The following SNAP25 variants were observed in gnomAD, a reference collection of about 807,000 sequenced individuals.
SNAP25 encodes the protein synaptosomal-associated protein 25.
SNAP25 carries 3 observed loss-of-function variants against 28.7 expected under a neutral mutation model. The ratio of observed to expected loss-of-function variants is 0.10; its 90% CI spans 0.05 to 0.27. SNAP25 has a LOEUF of 0.27. Ranked by LOEUF, SNAP25 falls within the 10% of genes least tolerant of loss-of-function variation. The probability of loss-of-function intolerance (pLI) is 1.00; values close to 1 mark genes in which losing one functional copy is unlikely to be tolerated. For missense variants in SNAP25, 117 were observed against 278.7 expected, an observed-to-expected ratio of 0.42 and a Z score of 4.13; for synonymous variants, 61 against 88.1, an observed-to-expected ratio of 0.69 and a Z score of 1.72.
chr20:10,251,710 TC>T (rs1240962820), intron 1 of SNAP25, among the ~76,000 whole-genome samples: 1 of 152,206 alleles, frequency 6.6e-6, no homozygotes, highest in Non-Finnish European at 1.5e-5. Flanking sequence ...CTTTTGTCTT[TC>T]CTTTTTGTTA....
At chr20:10,226,423 C>T (rs2062735175) in intron 1 of SNAP25, among the ~76,000 whole-genome samples, 2 of 152,122 alleles carry the variant, frequency 1.3e-5, no homozygotes, top group Non-Finnish European at 2.9e-5. Flanking sequence ...TGGCATTCTT[C>T]ATTAATTAAT....
intron 1 of SNAP25, among the ~76,000 whole-genome samples, chr20:10,228,175 T>C (rs1392140174): frequency 6.6e-6 from 1 of 152,120 alleles, no homozygotes; most frequent in East Asian, 1.9e-4. Context: ...CATCCAACTT[T>C]CTCCAGAGAA....
At chr20:10,266,725 A>G (rs1262600276) in intron 1 of SNAP25, among the ~76,000 whole-genome samples, 3 of 152,232 alleles carry the variant, frequency 2.0e-5, no homozygotes, top group African/African-American at 7.2e-5. Context: ...AAAGGTAGCA[A>G]TCATGGACCT....
At chr20:10,275,058 A>C (rs1286502472) in intron 1 of SNAP25, among the ~76,000 whole-genome samples, 1 of 137,292 alleles carries the variant, frequency 7.3e-6, no homozygotes, top group Admixed American at 7.8e-5. Flanking sequence ...GTTATACCTT[A>C]ATAGAGCTAT....
At chr20:10,306,031 G>A (rs971769449) in intron 7 of SNAP25, 98 bp from the exon 8 acceptor site, 9 of 1,080,142 alleles carry the variant, frequency 8.3e-6, no homozygotes, top group Non-Finnish European at 1.3e-5. Context: ...GAGGTTTTAA[G>A]TGGTTTCACC....
At chr20:10,257,787 G>A (rs930470889) in intron 1 of SNAP25, among the ~76,000 whole-genome samples, 10 of 151,286 alleles carry the variant, frequency 6.6e-5, no homozygotes, top group African/African-American at 2.4e-4. Context: ...GGAGGCTGAG[G>A]CAGGAGAATT....
intron 1 of SNAP25, among the ~76,000 whole-genome samples, chr20:10,226,499 C>G (rs2062736214): frequency 6.6e-6 from 1 of 152,088 alleles, no homozygotes; most frequent in Non-Finnish European, 1.5e-5. Context: ...TTCCTAAAGT[C>G]AGAGCTGTAA....
intron 1 of SNAP25, among the ~76,000 whole-genome samples, chr20:10,227,391 G>T (rs190007941): frequency 1.3e-5 from 2 of 152,102 alleles, no homozygotes; most frequent in Non-Finnish European, 2.9e-5. Context: ...ATAAGTGAGC[G>T]AATGGGGATA....
chr20:10,232,175 C>T (rs1445385909), intron 1 of SNAP25, among the ~76,000 whole-genome samples: 1 of 152,212 alleles, frequency 6.6e-6, no homozygotes, highest in Non-Finnish European at 1.5e-5. Flanking sequence ...CTTCCTCCCT[C>T]CCCATACCAG....
At chr20:10,285,232 C>T (rs975630289) in intron 4 of SNAP25, among the ~76,000 whole-genome samples, 1 of 152,006 alleles carries the variant, frequency 6.6e-6, no homozygotes, top group Non-Finnish European at 1.5e-5. Flanking sequence ...TTCTTAAATA[C>T]CTGGGAGCTG....
intron 3 of SNAP25, 77 bp from the exon 4 acceptor site, chr20:10,284,647 G>T: frequency 2.7e-6 from 3 of 1,109,482 alleles, no homozygotes; most frequent in East Asian, 2.4e-5. Flanking sequence ...AGGGCTAATT[G>T]TCCCCTTACT....
At chr20:10,300,739 A>ACT (rs2064216811) in intron 7 of SNAP25, among the ~76,000 whole-genome samples, 1 of 152,152 alleles carries the variant, frequency 6.6e-6, no homozygotes, top group African/African-American at 2.4e-5. Context: ...AACTACGCAA[A>ACT]CTTTAGTGTT....
At chr20:10,230,011 G>A (rs573545550) in intron 1 of SNAP25, among the ~76,000 whole-genome samples, 79 of 152,264 alleles carry the variant, frequency 5.2e-4, no homozygotes, top group African/African-American at 1.8e-3. Context: ...AAAGGAGAAA[G>A]GGCTGCAGAA....
chr20:10,271,679 G>A (rs1375551176), intron 1 of SNAP25, among the ~76,000 whole-genome samples: 1 of 152,188 alleles, frequency 6.6e-6, no homozygotes, highest in Admixed American at 6.5e-5. Context: ...AACTTTGAGA[G>A]GAGATTGCCA....
chr20:10,239,259 C>T (rs909058854), intron 1 of SNAP25, among the ~76,000 whole-genome samples: 2 of 152,162 alleles, frequency 1.3e-5, no homozygotes, highest in East Asian at 1.9e-4. Context: ...CTGAGTGTGC[C>T]GTGCCACCTC....
chr20:10,283,130 A>G (rs570437991), intron 3 of SNAP25, among the ~76,000 whole-genome samples: 7 of 152,328 alleles, frequency 4.6e-5, no homozygotes, highest in Admixed American at 4.6e-4. Flanking sequence ...CTCGATAATG[A>G]TGATATTTTT....
intron 1 of SNAP25, among the ~76,000 whole-genome samples, chr20:10,222,037 C>T (rs1047352928): frequency 1.3e-5 from 2 of 152,230 alleles, no homozygotes; most frequent in African/African-American, 2.4e-5. Context: ...TAAGCCTCAG[C>T]GCTGGATACT....
At chr20:10,287,830 T>TA (rs1334919527) in intron 4 of SNAP25, among the ~76,000 whole-genome samples, 1 of 151,886 alleles carries the variant, frequency 6.6e-6, no homozygotes, top group Non-Finnish European at 1.5e-5. Flanking sequence ...TATGCAGCCA[T>TA]AAAAAATGAT....
rs1034475334 is a variant in SNAP25 at position 10,293,836 on chromosome 20, T to A, written c.281+558T>A. Reference sequence around the variant, plus strand: ...ACCCAACACAGAGGCAATGAGCTCTTCAGCAAGAAGTGCTCAAGCCTTACT... The same window carrying A: ...ACCCAACACAGAGGCAATGAGCTCTACAGCAAGAAGTGCTCAAGCCTTACT... On this transcript the variant is annotated intron_variant, in intron 5 of 7. Coordinates refer to ENST00000254976, the MANE Select transcript of SNAP25 (RefSeq NM_130811.4). The surrounding 1 kb of genome is among the most constrained non-coding windows in gnomAD (Gnocchi z 5.6). Among the ~76,000 whole-genome samples the A allele has an allele frequency of 1.3e-5, 2 of 152,204 alleles. No individual in the cohort carries two copies. Among genetic ancestry groups the A allele is most frequent in the African/African-American group, 4.8e-5 (2 of 41,456 alleles).
Sources: allele counts gnomAD v4.1 joint callset (sites outside exome capture counted in the v4.1 genomes callset), GRCh38; gene constraint gnomAD v4.1.1; non-coding constraint Gnocchi (gnomAD v3.1); transcripts MANE v1.5; gene names NCBI Gene and HGNC (gene_info 2026-07-23, HGNC 2026-07-21).